NEO1: variants seen among roughly 807,000 people sequenced by gnomAD.
NEO1 encodes the protein neogenin 1.
In NEO1, 63 loss-of-function variants were observed where a neutral mutation model predicts 159.7. That is an observed-to-expected ratio of 0.39 (90% CI 0.32 to 0.49). NEO1 has a LOEUF of 0.49. Ranked by LOEUF, NEO1 falls within the 20% of genes least tolerant of loss-of-function variation. NEO1 has a pLI of 0.85. For synonymous variants in NEO1, 633 were observed against 662.0 expected (o/e 0.96, Z 0.67); for missense variants, 1,615 against 1,831.0 (o/e 0.88, Z 2.15).
intron 1 of NEO1, among the ~76,000 whole-genome samples, chr15:73,072,053 C>G (rs771144021): frequency 6.6e-6 from 1 of 152,060 alleles, no homozygotes; most frequent in Non-Finnish European, 1.5e-5. Context: ...CAGGTTCAAG[C>G]GATTCTCCTG....
At chr15:73,300,854 A>T (rs1285470270) in intron 27 of NEO1, among the ~76,000 whole-genome samples, 1 of 152,248 alleles carries the variant, frequency 6.6e-6, no homozygotes, top group South Asian at 2.1e-4. Flanking sequence ...TTTATTAAGG[A>T]TGGTTCTTAG....
chr15:73,301,404 C>T lies in NEO1; in HGVS notation c.4249C>T (p.Pro1417Ser), dbSNP rs755205449. 2 of 1,614,186 alleles carry T rather than the reference C, an allele frequency of 1.2e-6. No homozygotes were observed. The highest frequency in any genetic ancestry group is 1.7e-6 in the Non-Finnish European group (2 of 1,180,030). The stretch of plus-strand genomic sequence containing the variant: ...CCGGCCTCCTATGCCAGTGGTTGTT[C>T]CCAGTGCCCCTGAAGTGCAGGAGAC... Reference protein sequence around the residue: ...RSRPPMPVVVPSAPEVQETTR... With the variant: ...RSRPPMPVVVSSAPEVQETTR... Residue 1417 changes from proline to serine, a missense_variant, in exon 28 of 29, where the codon CCC (proline) becomes TCC (serine). Physicochemically the swap from Pro to Ser is moderately conservative, Grantham distance 74. This residue lies in a region of NEO1 where 471 missense variants were observed against 498.9 expected (regional missense o/e 0.94). Coordinates refer to ENST00000261908, the MANE Select transcript of NEO1 (RefSeq NM_002499.4).
chr15:73,273,905 A>G lies in NEO1; in HGVS notation c.3060A>G (p.Gln1020=), dbSNP rs747723300. Residue 1020 remains glutamine, a synonymous_variant, in exon 20 of 29, where the codon CAA becomes CAG. Coordinates refer to ENST00000261908, the MANE Select transcript of NEO1 (RefSeq NM_002499.4). ...GAAACAGACTGACTCACCAGATACA[A>G]GAGTTAACTCTTGACACACCATACT... ...VVGNRLTHQI[Q]ELTLDTPYYF... 1 of 1,614,162 alleles carries G rather than the reference A, an allele frequency of 6.2e-7. No individual in the cohort carries two copies. Among genetic ancestry groups the G allele is most frequent in the South Asian group, 1.1e-5 (1 of 91,084 alleles).
intron 7 of NEO1, among the ~76,000 whole-genome samples, chr15:73,211,843 T>C (rs1413674731): frequency 1.3e-5 from 2 of 152,184 alleles, no homozygotes; most frequent in African/African-American, 4.8e-5. Context: ...TCACATTACA[T>C]TTAGTCTCCT....
At chr15:73,170,135 C>A (rs1443090577) in intron 5 of NEO1, among the ~76,000 whole-genome samples, 3 of 151,980 alleles carry the variant, frequency 2.0e-5, no homozygotes, top group Non-Finnish European at 2.9e-5. Flanking sequence ...AATTATAATT[C>A]CATGTAAATT....
At chr15:73,188,212 A>G (rs1342412479) in intron 7 of NEO1, among the ~76,000 whole-genome samples, 1 of 152,208 alleles carries the variant, frequency 6.6e-6, no homozygotes, top group Admixed American at 6.5e-5. Flanking sequence ...GTATTTAAAA[A>G]AAAAAAGACT....
intron 12 of NEO1, among the ~76,000 whole-genome samples, chr15:73,253,907 G>A (rs1860645838): frequency 6.6e-6 from 1 of 152,160 alleles, no homozygotes; most frequent in African/African-American, 2.4e-5. Context: ...CAGATTGGTT[G>A]TATCTCCTCA....
At chr15:73,082,286 T>C (rs1219208043) in intron 1 of NEO1, among the ~76,000 whole-genome samples, 1 of 152,250 alleles carries the variant, frequency 6.6e-6, no homozygotes, top group Non-Finnish European at 1.5e-5. Flanking sequence ...CTAAGTTTTT[T>C]TCACTGAGAA....
At chr15:73,254,054 A>T (rs886570385) in intron 12 of NEO1, among the ~76,000 whole-genome samples, 15 of 152,280 alleles carry the variant, frequency 9.9e-5, no homozygotes, top group African/African-American at 3.4e-4. Context: ...AGCCAAATGC[A>T]GTGGCTCACG....
intron 15 of NEO1, 103 bp from the exon 16 acceptor site, chr15:73,266,213 G>A (rs1184934656): frequency 1.2e-6 from 1 of 826,042 alleles, no homozygotes; most frequent in Non-Finnish European, 1.8e-6. Context: ...TTTTAAAGTT[G>A]TCTTTCTTGA....
intron 5 of NEO1, among the ~76,000 whole-genome samples, chr15:73,148,329 T>G (rs1475323383): frequency 3.9e-5 from 6 of 152,186 alleles, no homozygotes; most frequent in Non-Finnish European, 1.5e-5. Flanking sequence ...TCTTCAATTT[T>G]AGTTAGGTTC....
intron 1 of NEO1, among the ~76,000 whole-genome samples, chr15:73,110,988 G>A (rs1290444545): frequency 6.6e-6 from 1 of 151,592 alleles, no homozygotes; most frequent in Non-Finnish European, 1.5e-5. Context: ...TTTTGTTACT[G>A]AAAAAAAAGA....
intron 5 of NEO1, among the ~76,000 whole-genome samples, chr15:73,158,901 T>C (rs1440254765): frequency 6.6e-6 from 1 of 152,142 alleles, no homozygotes. Context: ...TCTTAGAGAT[T>C]GTCATCATCA....
At chr15:73,278,560 A>G (rs1263029709) in intron 22 of NEO1, among the ~76,000 whole-genome samples, 3 of 152,192 alleles carry the variant, frequency 2.0e-5, no homozygotes, top group Non-Finnish European at 4.4e-5. Context: ...AAGTTCTTCC[A>G]GTGCTACTAC....
chr15:73,301,150 G>T (rs1287701012), intron 27 of NEO1, among the ~76,000 whole-genome samples, 171 bp from the exon 28 acceptor site: 2 of 152,202 alleles, frequency 1.3e-5, no homozygotes, highest in African/African-American at 4.8e-5. Context: ...CCTCATGAAT[G>T]CCCTGCTATC....
chr15:73,248,588 A>G (rs1310585020), intron 9 of NEO1, among the ~76,000 whole-genome samples: 2 of 152,172 alleles, frequency 1.3e-5, no homozygotes, highest in African/African-American at 4.8e-5. Context: ...CCCCTCCCAA[A>G]GCAGAATTGT....
At chr15:73,220,714 T>C (rs554638675) in intron 7 of NEO1, among the ~76,000 whole-genome samples, 3 of 152,342 alleles carry the variant, frequency 2.0e-5, no homozygotes, top group South Asian at 2.1e-4. Context: ...TCCAGTTGAT[T>C]GCATCAGCTC....
intron 1 of NEO1, among the ~76,000 whole-genome samples, chr15:73,078,412 TG>T (rs942670142): frequency 1.8e-4 from 27 of 152,302 alleles, no homozygotes; most frequent in Admixed American, 9.8e-4. Flanking sequence ...TGAAATTTGT[TG>T]GTTTTCATGC....
intron 7 of NEO1, among the ~76,000 whole-genome samples, chr15:73,214,236 GCTGA>G (rs2037751601): frequency 2.0e-5 from 3 of 152,260 alleles, no homozygotes; most frequent in Admixed American, 6.5e-5. Flanking sequence ...TGTTTACTCT[GCTGA>G]CTGTTACTTT....
Sources: allele counts gnomAD v4.1 joint callset (sites outside exome capture counted in the v4.1 genomes callset), GRCh38; gene constraint gnomAD v4.1.1; regional missense constraint gnomAD v4.1.1; transcripts MANE v1.5; gene names NCBI Gene and HGNC (gene_info 2026-07-23, HGNC 2026-07-21).